CDK14: variants seen among roughly 807,000 people sequenced by gnomAD.
The protein encoded by CDK14 is cyclin dependent kinase 14, also known as cyclin-dependent kinase 14.
Under a neutral mutation model 60.7 loss-of-function variants are expected in CDK14, and 34 were observed. That is an observed-to-expected ratio of 0.56 (90% CI 0.43 to 0.75). The LOEUF is 0.75. Ranked by LOEUF, CDK14 falls within the 30% of genes least tolerant of loss-of-function variation. The pLI is 0.00. For missense variants in CDK14, 482 were observed against 564.1 expected, an observed-to-expected ratio of 0.85 and a Z score of 1.47; for synonymous variants, 197 against 203.7, an observed-to-expected ratio of 0.97 and a Z score of 0.28.
At chr7:91,049,515 C>A (rs951518244) in intron 11 of CDK14, among the ~76,000 whole-genome samples, 1 of 152,136 alleles carries the variant, frequency 6.6e-6, no homozygotes, top group Non-Finnish European at 1.5e-5. Flanking sequence ...AACCACTGTG[C>A]CTGACCACAA....
At chr7:90,785,541 T>A (rs1397882395) in intron 4 of CDK14, among the ~76,000 whole-genome samples, 4 of 152,004 alleles carry the variant, frequency 2.6e-5, no homozygotes, top group African/African-American at 9.7e-5. Flanking sequence ...CTCTCAGCAC[T>A]ATGGGAGGCC....
chr7:91,018,443 C>G (rs967168512), intron 10 of CDK14, among the ~76,000 whole-genome samples: 3 of 151,134 alleles, frequency 2.0e-5, no homozygotes, highest in African/African-American at 7.3e-5. Flanking sequence ...GGCCCTCTTT[C>G]TCACACAAAA....
At chr7:90,634,822 A>T (rs1039111394) in intron 2 of CDK14, among the ~76,000 whole-genome samples, 7 of 151,990 alleles carry the variant, frequency 4.6e-5, no homozygotes, top group African/African-American at 1.7e-4. Flanking sequence ...AATGATTGCC[A>T]TTCTAACTGG....
chr7:90,925,653 G>C (rs570170118), intron 8 of CDK14, among the ~76,000 whole-genome samples: 1 of 152,240 alleles, frequency 6.6e-6, no homozygotes, highest in Admixed American at 6.5e-5. Flanking sequence ...CTTGAGGCTG[G>C]GAGTCCAAGT....
In CDK14 at chr7:91,124,126, G is replaced by A. The variant is rs144658689; in HGVS notation, c.*28+5918G>A. On this transcript the variant is annotated intron_variant, in intron 14 of 14. Transcript: ENST00000380050. ...TGGTCTCAAACTCCTGGCCTTAAGCGATCATCCTGCTTTCGCCTCACAAAG... is the reference window on the plus strand; with the variant it reads ...TGGTCTCAAACTCCTGGCCTTAAGCAATCATCCTGCTTTCGCCTCACAAAG... Among the ~76,000 whole-genome samples, 15 of 152,070 alleles carry A rather than the reference G, an allele frequency of 9.9e-5. No individual in the cohort carries two copies. In the East Asian group the frequency reaches 2.5e-3, roughly 26 times the overall value.
At chr7:90,636,924 A>T (rs1371481542) in intron 2 of CDK14, among the ~76,000 whole-genome samples, 10 of 150,318 alleles carry the variant, frequency 6.7e-5, no homozygotes, top group Non-Finnish European at 1.3e-4. Context: ...ATTTGCATAG[A>T]GGTGTTTGTA....
intron 8 of CDK14, among the ~76,000 whole-genome samples, chr7:90,949,294 G>A (rs1388446325): frequency 3.3e-5 from 5 of 151,816 alleles, no homozygotes; most frequent in African/African-American, 9.7e-5. Context: ...CTGCACCTCC[G>A]GGGTTTAAGT....
At chr7:90,779,250 C>T (rs903013506) in intron 4 of CDK14, among the ~76,000 whole-genome samples, 2 of 151,988 alleles carry the variant, frequency 1.3e-5, no homozygotes, top group Non-Finnish European at 2.9e-5. Context: ...GAGACTCCGT[C>T]TCAAAAAAAG....
chr7:90,641,489 A>T (rs1800331137), intron 2 of CDK14, among the ~76,000 whole-genome samples: 1 of 152,240 alleles, frequency 6.6e-6, no homozygotes, highest in South Asian at 2.1e-4. Context: ...GTGAACTTTG[A>T]TAACATTATG....
rs10646692 is a variant in CDK14, at chr7:90,901,674, G to GTATATA, written c.702+2332_702+2337dup. ...TAGAGTCACCTGGCAAGCTTTATATGTATATATATATATATACACACACAC... is the reference window on the plus strand; with the variant it reads ...TAGAGTCACCTGGCAAGCTTTATATGTATATATATATATATATATATACACACACAC... On this transcript the variant is annotated intron_variant, in intron 7 of 14. Transcript: ENST00000380050. 3.4e-3 allele frequency among the ~76,000 whole-genome samples: 505 copies of GTATATA among 148,258 alleles called. 2 individuals are homozygous for GTATATA. The highest frequency in any genetic ancestry group is 0.015 in the South Asian group (72 of 4,656).
intron 8 of CDK14, among the ~76,000 whole-genome samples, chr7:90,924,803 T>TA (rs1388627395): frequency 6.6e-6 from 1 of 152,122 alleles, no homozygotes; most frequent in Non-Finnish European, 1.5e-5. Context: ...GTTTCTTTTT[T>TA]AAAAAACCTG....
chr7:90,680,084 T>C (rs1268892252), intron 2 of CDK14, among the ~76,000 whole-genome samples: 1 of 126,068 alleles, frequency 7.9e-6, no homozygotes, highest in East Asian at 3.5e-4. Context: ...TATGTTTAGT[T>C]TATATATATT....
At chr7:90,896,421 T>C (rs1000061637) in intron 6 of CDK14, among the ~76,000 whole-genome samples, 2 of 152,142 alleles carry the variant, frequency 1.3e-5, no homozygotes, top group East Asian at 1.9e-4. Flanking sequence ...CTTATTGATA[T>C]ACTACTAAAA....
rs796772789 is a variant in CDK14 at position 90,711,882 on chromosome 7, ATG to A, written c.124-14683_124-14682del. On this transcript the variant is annotated intron_variant, in intron 2 of 14. Transcript: ENST00000380050. ...GTTCTTATGGAACTTATAGTCTACT[ATG>A]TTTTTTTTTTTTTTTTTCAATTGAG... is the stretch of plus-strand genomic sequence containing the variant. Among the ~76,000 whole-genome samples the A allele has an allele frequency of 5.8e-3, 643 of 110,848 alleles. 19 individuals carry two copies. Among genetic ancestry groups the A allele is most frequent in the African/African-American group, 0.018 (547 of 30,030 alleles). 72.7% of individuals were successfully genotyped at this position (110,848 alleles called of 152,430 possible).
intron 6 of CDK14, among the ~76,000 whole-genome samples, chr7:90,887,459 T>G (rs1026258528): frequency 4.6e-5 from 7 of 152,218 alleles, no homozygotes; most frequent in Non-Finnish European, 1.0e-4. Context: ...ACTTCATTGT[T>G]TACCATTACT....
At chr7:90,616,336 A>T (rs535694027) in intron 2 of CDK14, among the ~76,000 whole-genome samples, 166 of 152,334 alleles carry the variant, frequency 1.1e-3, no homozygotes, top group African/African-American at 3.8e-3. Context: ...TGTTAGTTAC[A>T]GTTATTCAGG....
At chr7:90,771,482 G>A (rs922846285) in intron 4 of CDK14, among the ~76,000 whole-genome samples, 4 of 152,230 alleles carry the variant, frequency 2.6e-5, no homozygotes, top group Admixed American at 6.5e-5. Context: ...GTAAGTCAGA[G>A]TAGAATTTTA....
intron 2 of CDK14, among the ~76,000 whole-genome samples, chr7:90,639,307 G>C (rs1460627345): frequency 6.6e-6 from 1 of 151,984 alleles, no homozygotes; most frequent in East Asian, 2.0e-4. Context: ...TGGGTTTTTG[G>C]TGTGGATGTC....
At chr7:90,917,202 A>T (rs1192378971) in intron 7 of CDK14, among the ~76,000 whole-genome samples, 1 of 152,214 alleles carries the variant, frequency 6.6e-6, no homozygotes, top group African/African-American at 2.4e-5. Flanking sequence ...TATTGATATA[A>T]ACCCTTGGTA....
Sources: gnomAD v4.1 joint callset for allele counts (sites outside exome capture counted in the v4.1 genomes callset) on GRCh38, gnomAD v4.1.1 for gene constraint, MANE v1.5 for transcripts, NCBI Gene and HGNC (gene_info 2026-07-23, HGNC 2026-07-21) for gene names.